The following NLGN1 variants were observed in gnomAD, a reference collection of about 807,000 sequenced individuals.
The protein encoded by NLGN1 is neuroligin-1.
A neutral mutation model predicts 65.5 loss-of-function variants in NLGN1; 12 were observed. That is an observed-to-expected ratio of 0.18 (90% CI 0.12 to 0.30). The LOEUF (loss-of-function observed/expected upper bound fraction) is 0.30. NLGN1 is among the 10% of genes least tolerant of loss of function. NLGN1 has a pLI of 1.00. For missense variants in NLGN1, 750 were observed against 1,007.1 expected, an observed-to-expected ratio of 0.74 and a Z score of 3.46; for synonymous variants, 350 against 359.5, an observed-to-expected ratio of 0.97 and a Z score of 0.30.
chr3:173,934,177 G>T (rs957859234), intron 4 of NLGN1, among the ~76,000 whole-genome samples: 2 of 150,032 alleles, frequency 1.3e-5, no homozygotes, highest in Non-Finnish European at 3.0e-5. Flanking sequence ...AAGTTGGGGT[G>T]TTTTGCATTC....
chr3:173,929,484 T>C (rs961561364), intron 4 of NLGN1, among the ~76,000 whole-genome samples: 2 of 152,064 alleles, frequency 1.3e-5, no homozygotes, highest in African/African-American at 2.4e-5. Context: ...AGAGTTTTAA[T>C]TGGAGTTACC....
chr3:173,482,422 A>T (rs562094161), intron 2 of NLGN1, among the ~76,000 whole-genome samples: 1 of 151,858 alleles, frequency 6.6e-6, no homozygotes, highest in Non-Finnish European at 1.5e-5. Context: ...GGTACTCTCA[A>T]ATTCCTACCT....
chr3:173,919,737 G>A (rs1002871764), intron 4 of NLGN1, among the ~76,000 whole-genome samples: 1 of 151,972 alleles, frequency 6.6e-6, no homozygotes, highest in Admixed American at 6.6e-5. Flanking sequence ...TTTTACTCAT[G>A]TTTTTATCTT....
At chr3:173,821,387 C>G (rs1457148383) in intron 4 of NLGN1, among the ~76,000 whole-genome samples, 1 of 152,088 alleles carries the variant, frequency 6.6e-6, no homozygotes, top group African/African-American at 2.4e-5. Flanking sequence ...AATTTTCTGA[C>G]AGGAATAAGA....
rs186456018 is a variant in NLGN1 at position 173,989,058 on chromosome 3, C to A, written c.646+181226C>A. ...TTGACACTTAATTTGGTAAATTCAC[C>A]AGACTTTGGCTCAGCTAATTTCATT... is the stretch of plus-strand genomic sequence containing the variant. On this transcript the variant is annotated intron_variant, in intron 4 of 6. Coordinates refer to ENST00000457714, the Ensembl canonical transcript of NLGN1. Among the ~76,000 whole-genome samples the A allele has an allele frequency of 1.2e-3, 182 of 152,242 alleles. 1 individual carries two copies. Among genetic ancestry groups the A allele is most frequent in the Admixed American group, 2.4e-3 (36 of 15,272 alleles).
intron 4 of NLGN1, among the ~76,000 whole-genome samples, chr3:174,009,673 C>T (rs1244964288): frequency 2.0e-5 from 3 of 151,976 alleles, no homozygotes; most frequent in African/African-American, 4.8e-5. Flanking sequence ...TGATGAGTGG[C>T]GGTAGAATTT....
At chr3:173,542,323 G>C (rs1739028911) in intron 2 of NLGN1, among the ~76,000 whole-genome samples, 1 of 151,908 alleles carries the variant, frequency 6.6e-6, no homozygotes, top group Non-Finnish European at 1.5e-5. Context: ...CTTTTAAAAA[G>C]TTTTATTCTG....
At chr3:173,446,181 C>T (rs1209724177) in intron 2 of NLGN1, among the ~76,000 whole-genome samples, 4 of 151,730 alleles carry the variant, frequency 2.6e-5, no homozygotes, top group African/African-American at 9.7e-5. Flanking sequence ...TGTCATTTAG[C>T]ATTAGGTATA....
At chr3:174,121,162 G>A (rs1717703588) in intron 4 of NLGN1, among the ~76,000 whole-genome samples, 1 of 152,126 alleles carries the variant, frequency 6.6e-6, no homozygotes, top group Non-Finnish European at 1.5e-5. Context: ...TGAGAGTTCA[G>A]GCCAAGCACA....
At position 173,494,103 on chromosome 3, in the gene NLGN1, A is replaced by G. The variant is rs147831544; in HGVS notation, c.-321+59025A>G. 2.5e-3 allele frequency among the ~76,000 whole-genome samples: 352 copies of G among 143,420 alleles called. 5 individuals are homozygous for G. Among genetic ancestry groups the G allele is most frequent in the African/African-American group, 9.0e-3 (340 of 37,820 alleles). The allele number at this position is 143,420 out of a possible 152,430, so 94.1% of individuals were successfully genotyped here. A position where few individuals can be genotyped will look rare whatever the true frequency, so the allele number is the denominator to read the frequency against. On this transcript the variant is annotated intron_variant, in intron 2 of 6. Transcript: ENST00000457714. ...TTCCCATTCCTTCACAACTTTGTCA[A>G]TATTTAGTGTTATAGGTGAGTGTGT...
At chr3:174,195,261 A>C (rs1263417772) in intron 4 of NLGN1, among the ~76,000 whole-genome samples, 2 of 152,170 alleles carry the variant, frequency 1.3e-5, no homozygotes, top group Admixed American at 1.3e-4. Context: ...ATTGTTGAAG[A>C]GTTATGTTCA....
intron 3 of NLGN1, among the ~76,000 whole-genome samples, chr3:173,646,463 A>T (rs944932796): frequency 6.6e-6 from 1 of 152,210 alleles, no homozygotes; most frequent in Non-Finnish European, 1.5e-5. Context: ...AATTCTTTTG[A>T]ATAATTTTTT....
At chr3:173,927,837 C>T (rs1275777993) in intron 4 of NLGN1, among the ~76,000 whole-genome samples, 5 of 152,062 alleles carry the variant, frequency 3.3e-5, no homozygotes, top group African/African-American at 1.2e-4. Flanking sequence ...TCCTTCTGAA[C>T]CCGAGAGCAG....
At chr3:173,481,743 C>CT (rs1169875592) in intron 2 of NLGN1, among the ~76,000 whole-genome samples, 1,630 of 151,794 alleles carry the variant, frequency 0.011, 30 homozygotes, top group African/African-American at 0.038. Context: ...GTTTTTAAGG[C>CT]TTTTTAAAAA....
intron 4 of NLGN1, among the ~76,000 whole-genome samples, chr3:173,893,857 C>T (rs1235142827): frequency 2.6e-5 from 4 of 152,164 alleles, no homozygotes; most frequent in South Asian, 2.1e-4. Flanking sequence ...TTTATGTCAT[C>T]GCAAGTCTTG....
intron 3 of NLGN1, among the ~76,000 whole-genome samples, chr3:173,759,266 A>G (rs559529638): frequency 6.6e-6 from 1 of 152,100 alleles, no homozygotes; most frequent in South Asian, 2.1e-4. Flanking sequence ...TCATCATGGA[A>G]ATCCCTGCAC....
At chr3:174,283,721 C>CTGTT (rs1482613700) in exon 7 of NLGN1, 10 of 151,306 alleles carry the variant, frequency 6.6e-5, no homozygotes, top group Non-Finnish European at 1.3e-4. Flanking sequence ...AAAAAAGTCT[C>CTGTT]TGTTAGAAGC....
intron 4 of NLGN1, among the ~76,000 whole-genome samples, chr3:174,099,997 C>G (rs575307649): frequency 1.3e-5 from 2 of 151,974 alleles, no homozygotes; most frequent in Non-Finnish European, 2.9e-5. Context: ...TTGCCATGAC[C>G]CTTGGCGGCT....
intron 4 of NLGN1, among the ~76,000 whole-genome samples, chr3:174,008,722 G>C (rs1464049165): frequency 6.6e-6 from 1 of 151,820 alleles, no homozygotes; most frequent in Non-Finnish European, 1.5e-5. Flanking sequence ...AGGAACACAG[G>C]GCCCCAGATA....
Sources: allele counts gnomAD v4.1 joint callset (sites outside exome capture counted in the v4.1 genomes callset), GRCh38; gene constraint gnomAD v4.1.1; transcripts MANE v1.5; gene names NCBI Gene and HGNC (gene_info 2026-07-23, HGNC 2026-07-21).